Variants in DNAJC15 observed in about 807,000 individuals in gnomAD.
The protein encoded by DNAJC15 is dnaJ homolog subfamily C member 15.
Under a neutral mutation model 22.4 loss-of-function variants are expected in DNAJC15, and 27 were observed. The ratio of observed to expected loss-of-function variants is 1.20; its 90% CI spans 0.89 to 1.66. The LOEUF is 1.66. DNAJC15 is among the 40% of genes most tolerant of loss of function. DNAJC15 has a pLI of 0.00. For synonymous variants in DNAJC15, 79 were observed against 63.2 expected, an observed-to-expected ratio of 1.25 and a Z score of -1.19; for missense variants, 208 against 187.1, an observed-to-expected ratio of 1.11 and a Z score of -0.65.
intron 3 of DNAJC15, among the ~76,000 whole-genome samples, chr13:43,070,912 T>C (rs2040605725): frequency 1.3e-5 from 2 of 152,104 alleles, no homozygotes; most frequent in African/African-American, 4.8e-5. Flanking sequence ...AGTAAGCGGG[T>C]ATTGAGATAG....
intron 5 of DNAJC15, among the ~76,000 whole-genome samples, chr13:43,089,233 C>G (rs1052886458): frequency 6.6e-6 from 1 of 152,110 alleles, no homozygotes; most frequent in Non-Finnish European, 1.5e-5. Context: ...TCCATTTATT[C>G]AAAAATTATT....
chr13:43,038,517 G>T (rs755004256), intron 1 of DNAJC15, among the ~76,000 whole-genome samples: 24 of 152,198 alleles, frequency 1.6e-4, no homozygotes, highest in Non-Finnish European at 3.1e-4. Context: ...GGGAGGCCAG[G>T]TGCGGTGGCT....
At chr13:43,074,806 G>C (rs1223983913) in intron 3 of DNAJC15, among the ~76,000 whole-genome samples, 1 of 152,192 alleles carries the variant, frequency 6.6e-6, no homozygotes, top group Non-Finnish European at 1.5e-5. Context: ...TGTAAATACA[G>C]TTGACCCTTG....
At chr13:43,033,612 C>T (rs2040413836) in intron 1 of DNAJC15, among the ~76,000 whole-genome samples, 1 of 152,078 alleles carries the variant, frequency 6.6e-6, no homozygotes, top group South Asian at 2.1e-4. Flanking sequence ...TTTTGATGAC[C>T]TTGACAGGTT....
In DNAJC15 at chr13:43,112,814, C is replaced by T. The variant is rs1268087754; in HGVS notation, c.*5566C>T. On this transcript the variant is annotated 3_prime_UTR_variant, in exon 6 of 6. Transcript: ENST00000379221. The stretch of plus-strand genomic sequence containing the variant: ...CATGCTGTTTATATTATATTGCACT[C>T]ATTCTAAATATGTGGGAATCAGAAT... 1 of 152,174 alleles carries T rather than the reference C, an allele frequency of 6.6e-6. No individual in the cohort carries two copies. The highest frequency in any genetic ancestry group is 1.5e-5 in the Non-Finnish European group (1 of 68,034). 9.4% of individuals were successfully genotyped at this position (152,174 alleles called of 1,614,324 possible).
intron 1 of DNAJC15, among the ~76,000 whole-genome samples, chr13:43,056,273 G>A (rs2040530874): frequency 6.6e-6 from 1 of 151,786 alleles, no homozygotes; most frequent in African/African-American, 2.4e-5. Context: ...CAAGTAGCTG[G>A]GACTACAGGC....
At chr13:43,099,799 T>A (rs977414216) in intron 5 of DNAJC15, among the ~76,000 whole-genome samples, 8 of 147,240 alleles carry the variant, frequency 5.4e-5, no homozygotes, top group African/African-American at 2.1e-4. Flanking sequence ...TTTATATGTT[T>A]ATATATTCTT....
chr13:43,082,884 A>G (rs1475726426), intron 4 of DNAJC15, among the ~76,000 whole-genome samples: 1 of 150,054 alleles, frequency 6.7e-6, no homozygotes, highest in Admixed American at 6.6e-5. Flanking sequence ...GCGTATGCGT[A>G]TATGTGTGTA....
At chr13:43,049,623 G>A (rs1470488959) in intron 1 of DNAJC15, among the ~76,000 whole-genome samples, 3 of 152,186 alleles carry the variant, frequency 2.0e-5, no homozygotes, top group Admixed American at 6.5e-5. Flanking sequence ...TAAAGCCAAA[G>A]AAAGGTATGG....
chr13:43,036,703 C>T (rs1053521769), intron 1 of DNAJC15, among the ~76,000 whole-genome samples: 2 of 152,202 alleles, frequency 1.3e-5, no homozygotes, highest in Non-Finnish European at 2.9e-5. Context: ...CTAGAGGCTG[C>T]GGGGAGCCCA....
At chr13:43,029,242 A>G (rs1444046194) in intron 1 of DNAJC15, among the ~76,000 whole-genome samples, 1 of 152,230 alleles carries the variant, frequency 6.6e-6, no homozygotes, top group Non-Finnish European at 1.5e-5. Flanking sequence ...TTATATATTT[A>G]TATGGTAAAA....
chr13:43,068,567 T>C (rs980147030), intron 2 of DNAJC15, among the ~76,000 whole-genome samples: 1 of 152,100 alleles, frequency 6.6e-6, no homozygotes, highest in Non-Finnish European at 1.5e-5. Flanking sequence ...ATTATAAGTA[T>C]CTTTTATATG....
At chr13:43,088,962 A>C (rs74060797) in intron 5 of DNAJC15, among the ~76,000 whole-genome samples, 2,538 of 152,188 alleles carry the variant, frequency 0.017, 80 homozygotes, top group East Asian at 0.1. Flanking sequence ...GGTAAAGAGA[A>C]AATTTTGTTT....
At chr13:43,080,642 T>C (rs1325338874) in intron 4 of DNAJC15, among the ~76,000 whole-genome samples, 2 of 152,260 alleles carry the variant, frequency 1.3e-5, no homozygotes, top group Non-Finnish European at 2.9e-5. Flanking sequence ...TTTTTTGTTT[T>C]GTTTTGTTTT....
chr13:43,039,448 T>C (rs750601330), intron 1 of DNAJC15, among the ~76,000 whole-genome samples: 10 of 152,192 alleles, frequency 6.6e-5, no homozygotes, highest in Admixed American at 2.0e-4. Context: ...ATGAAAAGTT[T>C]CCAGAAAAGG....
chr13:43,065,602 GTAAT>G, intron 1 of DNAJC15, 80 bp from the exon 2 acceptor site: 1 of 1,124,242 alleles, frequency 8.9e-7, no homozygotes, highest in Non-Finnish European at 1.3e-6. Context: ...GTATTGTAAT[GTAAT>G]TATTCTCATT....
chr13:43,057,047 T>C (rs1264387966), intron 1 of DNAJC15, among the ~76,000 whole-genome samples: 3 of 152,202 alleles, frequency 2.0e-5, no homozygotes, highest in Non-Finnish European at 2.9e-5. Flanking sequence ...TTAAGATTCT[T>C]TCCTTCATCT....
intron 1 of DNAJC15, among the ~76,000 whole-genome samples, chr13:43,049,293 C>T (rs1246060073): frequency 2.0e-5 from 3 of 152,140 alleles, no homozygotes; most frequent in Non-Finnish European, 4.4e-5. Context: ...CTGTTACTGG[C>T]AGTTTAGTTT....
chr13:43,023,639 G>A lies in DNAJC15; in HGVS notation c.13G>A (p.Gly5Ser). ...GGGCCGCCTTGCCATGGCTGCCCGT[G>A]GTGTCATCGCTCCAGTTGGCGAGAG... Reference protein sequence around the residue: MAARGVIAPVGESLR... With the variant: MAARSVIAPVGESLR... The change falls in exon 1 of 6, where the codon GGT becomes AGT. Residue 5 changes from glycine (G) to serine (S), a missense_variant. Gly to Ser is a moderately conservative substitution (Grantham distance 56). Transcript: ENST00000379221. 2.5e-6 allele frequency: 4 copies of A among 1,611,384 alleles called. No individual in the cohort carries two copies. Among genetic ancestry groups the A allele is most frequent in the Non-Finnish European group, 3.4e-6 (4 of 1,178,984 alleles).
Sources: allele counts gnomAD v4.1 joint callset (sites outside exome capture counted in the v4.1 genomes callset), GRCh38; gene constraint gnomAD v4.1.1; transcripts MANE v1.5; gene names NCBI Gene and HGNC (gene_info 2026-07-23, HGNC 2026-07-21).